DYNC2H1: variants seen among roughly 807,000 people sequenced by gnomAD.
The protein encoded by DYNC2H1 is dynein cytoplasmic 2 heavy chain 1.
Under a neutral mutation model 570.0 loss-of-function variants are expected in DYNC2H1, and 410 were observed. The ratio of observed to expected loss-of-function variants is 0.72; its 90% CI spans 0.66 to 0.78. The LOEUF (loss-of-function observed/expected upper bound fraction) is 0.78. Ranked by LOEUF, DYNC2H1 falls within the 30% of genes least tolerant of loss-of-function variation. DYNC2H1 has a pLI of 0.00. For missense variants in DYNC2H1, 4,865 were observed against 5,046.4 expected (o/e 0.96, Z 1.09); for synonymous variants, 1,688 against 1,677.6 (o/e 1.01, Z -0.15).
Position 103,363,231 on chromosome 11 carries a change from T to G in DYNC2H1, c.12156+4872T>G, listed in dbSNP as rs1940746119. On this transcript the variant is annotated intron_variant, in intron 83 of 88. Coordinates refer to ENST00000375735, the MANE Select transcript of DYNC2H1 (RefSeq NM_001377.3). The surrounding 1 kb of genome is among the most constrained non-coding windows in gnomAD (Gnocchi z 5.6). ...TAAATGTGCAAGAATACTTTAATTA[T>G]TTTGAAGTAGTTTTCTCCAAAACTC... 6.6e-6 allele frequency among the ~76,000 whole-genome samples: 1 copy of G among 152,094 alleles called. No individual in the cohort carries two copies.
chr11:103,294,960 C>G (rs149734136), intron 75 of DYNC2H1, among the ~76,000 whole-genome samples: 1 of 152,294 alleles, frequency 6.6e-6, no homozygotes, highest in Non-Finnish European at 1.5e-5. Context: ...TTGCCTTCCT[C>G]TAAAGAGAAG....
intron 4 of DYNC2H1, among the ~76,000 whole-genome samples, chr11:103,115,679 G>T (rs1858350876): frequency 6.6e-6 from 1 of 151,914 alleles, no homozygotes; most frequent in Non-Finnish European, 1.5e-5. Flanking sequence ...GCGCCTACTC[G>T]GGAGGCTGAG....
rs951097720 is a variant in DYNC2H1 at position 103,147,814 on chromosome 11, G to C, written c.2745G>C (p.Val915=). 2.3e-5 allele frequency: 37 copies of C among 1,611,586 alleles called. No individual in the cohort carries two copies. ...VDCLNINCNP[V]KTVIDDLIQK... The stretch of plus-strand genomic sequence containing the variant: ...GTTTAAATATTAATTGCAACCCTGT[G>C]AAGACTGTGATTGATGATCTCATCC... Residue 915 remains valine, a synonymous_variant, in exon 19 of 89, where the codon GTG becomes GTC. Transcript: ENST00000375735.
intron 31 of DYNC2H1, among the ~76,000 whole-genome samples, chr11:103,168,349 A>G (rs1169814102): frequency 6.6e-6 from 1 of 152,166 alleles, no homozygotes; most frequent in African/African-American, 2.4e-5. Context: ...ACAATGGTAA[A>G]TCCACCACTG....
At chr11:103,364,687 C>A (rs1312668718) in intron 83 of DYNC2H1, among the ~76,000 whole-genome samples, 1 of 151,188 alleles carries the variant, frequency 6.6e-6, no homozygotes, top group African/African-American at 2.4e-5. Flanking sequence ...GTTCCAACAT[C>A]AATTTGGTTT....
At chr11:103,429,396 T>C (rs982250684) in intron 84 of DYNC2H1, among the ~76,000 whole-genome samples, 20 of 152,314 alleles carry the variant, frequency 1.3e-4, no homozygotes, top group African/African-American at 4.8e-4. Context: ...TTCAATTAAA[T>C]CTTTTAGATC....
chr11:103,475,481 GT>G (rs1386586623), intron 88 of DYNC2H1, among the ~76,000 whole-genome samples: 2 of 152,156 alleles, frequency 1.3e-5, no homozygotes, highest in Non-Finnish European at 2.9e-5. Context: ...ACAAAACATT[GT>G]GCTAATATAA....
rs1863359625 is a variant in DYNC2H1 at position 103,215,864 on chromosome 11, G to T, written c.8832+6G>T. The T allele has an allele frequency of 6.2e-7, 1 of 1,607,480 alleles. No homozygotes were observed. On this transcript the variant is annotated splice_donor_region_variant and intron_variant, in intron 55 of 88. Coordinates refer to ENST00000375735, the MANE Select transcript of DYNC2H1 (RefSeq NM_001377.3). ...TGATCACAGTGTCAATGCAGGTAAT[G>T]TTTAGAGTGACCACAAAAATGAAAA...
chr11:103,243,605 T>C lies in DYNC2H1; in HGVS notation c.9820-88T>C. 1 of 1,020,620 alleles carries C rather than the reference T, an allele frequency of 9.8e-7. No individual in the cohort carries two copies. The highest frequency in any genetic ancestry group is 1.4e-6 in the Non-Finnish European group (1 of 702,058). 63.2% of individuals were successfully genotyped at this position (1,020,620 alleles called of 1,614,324 possible). ...CTTGAGAGAAAAGATCATTTAGTAA[T>C]TGATTTATAATTTCTAGAAAACTAT... is the stretch of plus-strand genomic sequence containing the variant. On this transcript the variant is annotated intron_variant, in intron 63 of 88. Coordinates refer to ENST00000375735, the MANE Select transcript of DYNC2H1 (RefSeq NM_001377.3). This position sits in a 1 kb window ranked among gnomAD's most constrained non-coding sequence, Gnocchi z 4.8.
chr11:103,246,698 T>C (rs1864631639), intron 65 of DYNC2H1, among the ~76,000 whole-genome samples: 1 of 152,074 alleles, frequency 6.6e-6, no homozygotes, highest in Non-Finnish European at 1.5e-5. Flanking sequence ...GATATTGTCC[T>C]TTTCAAGAGT....
Position 103,280,548 on chromosome 11 carries a change from T to A in DYNC2H1, c.10761+135T>A. 1 of 797,884 alleles carries A rather than the reference T, an allele frequency of 1.3e-6. No homozygotes were observed. Among genetic ancestry groups the A allele is most frequent in the Non-Finnish European group, 2.0e-6 (1 of 501,996 alleles). 49.4% of individuals were successfully genotyped at this position (797,884 alleles called of 1,614,324 possible). A position where few individuals can be genotyped will look rare whatever the true frequency, so the allele number is the denominator to read the frequency against. ...TTAATCTTTTACTAAGTTAGAAATG[T>A]AGTATAAAATGGTGATTCCTAGTTC... On this transcript the variant is annotated intron_variant, in intron 71 of 88. Coordinates refer to ENST00000375735, the MANE Select transcript of DYNC2H1 (RefSeq NM_001377.3). This position sits in a 1 kb window ranked among gnomAD's most constrained non-coding sequence, Gnocchi z 4.7.
intron 47 of DYNC2H1, among the ~76,000 whole-genome samples, chr11:103,193,596 C>T (rs1013611569): frequency 6.6e-6 from 1 of 150,910 alleles, no homozygotes; most frequent in Non-Finnish European, 1.5e-5. Context: ...CAGGCTGGAG[C>T]GCAAAGGTGC....
intron 85 of DYNC2H1, among the ~76,000 whole-genome samples, chr11:103,444,274 C>T (rs527907731): frequency 1.4e-4 from 21 of 151,818 alleles, no homozygotes; most frequent in African/African-American, 4.8e-4. Flanking sequence ...TCTTGCTATA[C>T]TAAACACATA....
chr11:103,343,574 C>G (rs912200893), intron 82 of DYNC2H1, among the ~76,000 whole-genome samples: 2 of 152,082 alleles, frequency 1.3e-5, no homozygotes, highest in Admixed American at 1.3e-4. Flanking sequence ...ATTCCTGAAG[C>G]TAGGATGTGG....
Position 103,465,206 on chromosome 11 carries a change from TC to T in DYNC2H1, c.12649-3381del, listed in dbSNP as rs780299967. On this transcript the variant is annotated intron_variant, in intron 87 of 88. Coordinates refer to ENST00000375735, the MANE Select transcript of DYNC2H1 (RefSeq NM_001377.3). The surrounding 1 kb of genome is among the most constrained non-coding windows in gnomAD (Gnocchi z 4.9). ...TATATGACTATTGTAAACATATTAA[TC>T]CTACCAATTAAGAGAGATTATCAGA... Among the ~76,000 whole-genome samples, 73 of 152,214 alleles carry T rather than the reference TC, an allele frequency of 4.8e-4. 1 individual carries two copies. Among genetic ancestry groups the T allele is most frequent in the Non-Finnish European group, 8.4e-4 (57 of 68,002 alleles).
intron 84 of DYNC2H1, among the ~76,000 whole-genome samples, chr11:103,412,646 A>T (rs1402077927): frequency 6.6e-6 from 1 of 152,066 alleles, no homozygotes. Context: ...TCAATTTTTT[A>T]AACCAGGGAG....
Position 103,170,858 on chromosome 11 carries a change from G to T in DYNC2H1, c.5152-28G>T. On this transcript the variant is annotated intron_variant, in intron 33 of 88. Transcript: ENST00000375735. This position sits in a 1 kb window ranked among gnomAD's most constrained non-coding sequence, Gnocchi z 4.8. ...ATGGAGATTTTGATTATTTTTTAAT[G>T]ACTATAATTTTTATTGTTGTTTTTA... The T allele has an allele frequency of 7.1e-7, 1 of 1,404,592 alleles. No individual in the cohort carries two copies. The highest frequency in any genetic ancestry group is 2.0e-5 in the South Asian group (1 of 50,168). 87.0% of individuals were successfully genotyped at this position (1,404,592 alleles called of 1,614,324 possible).
Position 103,462,735 on chromosome 11 carries a change from T to A in DYNC2H1, c.12649-5854T>A, listed in dbSNP as rs1450252447. Among the ~76,000 whole-genome samples, 15 of 152,344 alleles carry A rather than the reference T, an allele frequency of 9.8e-5. No homozygotes were observed. In the South Asian group the frequency reaches 1.4e-3, roughly 15 times the overall value. Reference sequence around the variant, plus strand: ...TGTCCAGTGACATTTTCTCTTTAAGTATCATTGTGAGCTTCTTGTATATCT... The same window carrying A: ...TGTCCAGTGACATTTTCTCTTTAAGAATCATTGTGAGCTTCTTGTATATCT... On this transcript the variant is annotated intron_variant, in intron 87 of 88. Transcript: ENST00000375735.
intron 17 of DYNC2H1, among the ~76,000 whole-genome samples, chr11:103,136,687 C>T (rs1320025562): frequency 3.3e-5 from 5 of 152,072 alleles, no homozygotes; most frequent in East Asian, 1.9e-4. Context: ...AATAAACATA[C>T]GTGTGCATGT....
Sources: gnomAD v4.1 joint callset for allele counts (sites outside exome capture counted in the v4.1 genomes callset) on GRCh38, gnomAD v4.1.1 for gene constraint, Gnocchi (gnomAD v3.1) non-coding constraint, MANE v1.5 for transcripts, NCBI Gene and HGNC (gene_info 2026-07-23, HGNC 2026-07-21) for gene names.